The following USO1 variants were observed in gnomAD, a reference collection of about 807,000 sequenced individuals.
USO1 encodes the protein USO1 vesicle transport factor, also known as general vesicular transport factor p115.
A neutral mutation model predicts 124.5 loss-of-function variants in USO1; 57 were observed. The ratio of observed to expected loss-of-function variants is 0.46; its 90% CI spans 0.37 to 0.57. The LOEUF (loss-of-function observed/expected upper bound fraction) is 0.57, where lower values mean the gene tolerates loss of function less well. Among genes scored for constraint, USO1 ranks in the 20% least tolerant of loss-of-function variants. The probability of loss-of-function intolerance (pLI) is 0.00; values close to 1 mark genes in which losing one functional copy is unlikely to be tolerated. For synonymous variants in USO1, 369 were observed against 362.8 expected, an observed-to-expected ratio of 1.02 and a Z score of -0.19; for missense variants, 900 against 1,040.6, an observed-to-expected ratio of 0.86 and a Z score of 1.86.
chr4:75,745,448 T>C (rs527426419), intron 1 of USO1: 42 of 472,902 alleles, frequency 8.9e-5, no homozygotes, highest in South Asian at 6.0e-4. Flanking sequence ...TCGCAACAGA[T>C]ACTCTGACTC....
At chr4:75,803,174 T>C (rs1337613876) in intron 17 of USO1, among the ~76,000 whole-genome samples, 2 of 151,044 alleles carry the variant, frequency 1.3e-5, no homozygotes, top group African/African-American at 4.9e-5. Flanking sequence ...TGAATATAAA[T>C]TGTATTGCAT....
Position 75,724,752 on chromosome 4 carries a change from G to A in USO1, c.-68G>A. ...TGCGGGATTGGGGCCCAGGCCCTGCGGAGGGCGGGGGAAGTTGTCTTCTTT... is the reference window on the plus strand; with the variant it reads ...TGCGGGATTGGGGCCCAGGCCCTGCAGAGGGCGGGGGAAGTTGTCTTCTTT... On this transcript the variant is annotated 5_prime_UTR_variant, in exon 1 of 24. Transcript: ENST00000514213. 4 of 1,553,294 alleles carry A rather than the reference G, an allele frequency of 2.6e-6. No individual in the cohort carries two copies. The South Asian group carries it at 3.4e-5, about 13-fold the overall frequency.
At chr4:75,799,856 C>T (rs1482635648) in intron 14 of USO1, 124 bp downstream of exon 14, 1 of 1,123,404 alleles carries the variant, frequency 8.9e-7, no homozygotes, top group Non-Finnish European at 1.2e-6. Context: ...TGTGTTGCAA[C>T]TTTTTAAACT....
At chr4:75,726,248 T>C (rs1180859393) in intron 1 of USO1, among the ~76,000 whole-genome samples, 1 of 140,200 alleles carries the variant, frequency 7.1e-6, no homozygotes, top group Non-Finnish European at 1.5e-5. Flanking sequence ...GCCATTGCAC[T>C]CTAGCCTGGG....
intron 9 of USO1, among the ~76,000 whole-genome samples, chr4:75,783,321 C>G (rs554767869): frequency 2.0e-4 from 31 of 152,196 alleles, no homozygotes; most frequent in African/African-American, 7.2e-4. Context: ...TCATGTCCTG[C>G]CCCCAAAGAT....
At chr4:75,767,333 C>G (rs1457822079) in intron 4 of USO1, among the ~76,000 whole-genome samples, 1 of 152,124 alleles carries the variant, frequency 6.6e-6, no homozygotes, top group East Asian at 1.9e-4. Flanking sequence ...CTTAGATACC[C>G]CCTAACACAT....
intron 5 of USO1, 81 bp downstream of exon 5, chr4:75,770,620 G>A (rs1721901096): frequency 7.4e-6 from 11 of 1,489,936 alleles, no homozygotes; most frequent in Non-Finnish European, 9.8e-6. Flanking sequence ...GAAGTAACAT[G>A]TATATACCTT....
intron 16 of USO1, 93 bp from the exon 17 acceptor site, chr4:75,800,986 C>A: frequency 7.2e-7 from 1 of 1,386,386 alleles, no homozygotes; most frequent in Non-Finnish European, 9.6e-7. Flanking sequence ...TCTTACCTAT[C>A]ATGGAGTTAG....
intron 1 of USO1, among the ~76,000 whole-genome samples, chr4:75,750,429 C>T (rs1214305477): frequency 1.0e-4 from 1 of 9,616 alleles, no homozygotes; most frequent in Non-Finnish European, 2.0e-4. Flanking sequence ...TAGAGCAAGA[C>T]CCCATCTAAA....
chr4:75,740,387 A>T (rs1477270365), intron 1 of USO1, among the ~76,000 whole-genome samples: 1 of 152,292 alleles, frequency 6.6e-6, no homozygotes, highest in African/African-American at 2.4e-5. Context: ...TACTGGGCTC[A>T]AGTGATCCTC....
intron 17 of USO1, among the ~76,000 whole-genome samples, chr4:75,801,546 A>G (rs1394431873): frequency 6.6e-6 from 1 of 152,116 alleles, no homozygotes; most frequent in Non-Finnish European, 1.5e-5. Flanking sequence ...TTTTACTCTC[A>G]TTTAATTTCT....
At chr4:75,776,929 C>T (rs760034756) in intron 8 of USO1, among the ~76,000 whole-genome samples, 2 of 152,104 alleles carry the variant, frequency 1.3e-5, no homozygotes, top group Admixed American at 1.3e-4. Context: ...TATTTATGTA[C>T]TAATCTTTGG....
intron 17 of USO1, 82 bp downstream of exon 17, chr4:75,801,282 C>A: frequency 1.4e-6 from 2 of 1,415,578 alleles, no homozygotes; most frequent in South Asian, 1.9e-5. Context: ...TCTGACATTT[C>A]AAATGAAAGA....
At chr4:75,804,936 T>C in intron 18 of USO1, 1 of 519,908 alleles carries the variant, frequency 1.9e-6, no homozygotes, top group South Asian at 4.6e-5. Flanking sequence ...TAGTCAAGGC[T>C]GTGCTGTTTT....
intron 10 of USO1, among the ~76,000 whole-genome samples, chr4:75,788,163 ATTTATTTAT>A (rs1218148367): frequency 7.6e-5 from 7 of 91,524 alleles, no homozygotes; most frequent in African/African-American, 2.3e-4. Context: ...TTATTTATTT[ATTTATTTAT>A]TTTTTTTTTT....
chr4:75,791,411 C>A (rs1244407161), intron 12 of USO1, among the ~76,000 whole-genome samples: 3 of 152,172 alleles, frequency 2.0e-5, no homozygotes, highest in African/African-American at 7.2e-5. Flanking sequence ...TTAATCCCAG[C>A]TACTCAGGAG....
intron 3 of USO1, 144 bp from the exon 4 acceptor site, chr4:75,757,353 A>G (rs1343387791): frequency 2.7e-5 from 18 of 658,506 alleles, no homozygotes; most frequent in Non-Finnish European, 3.7e-5. Context: ...AAAACTACAC[A>G]TTTTTTACAG....
chr4:75,754,310 T>G (rs1179237156), intron 3 of USO1, among the ~76,000 whole-genome samples: 2 of 151,386 alleles, frequency 1.3e-5, no homozygotes, highest in Admixed American at 1.3e-4. Flanking sequence ...CTCGAACTCC[T>G]GAACTCAGGT....
At chr4:75,769,533 A>T (rs1008382430) in intron 4 of USO1, among the ~76,000 whole-genome samples, 1 of 151,996 alleles carries the variant, frequency 6.6e-6, no homozygotes, top group Non-Finnish European at 1.5e-5. Context: ...TTTGATCTTG[A>T]CTTTCAGCTC....
Sources: gnomAD v4.1 joint callset for allele counts (sites outside exome capture counted in the v4.1 genomes callset) on GRCh38, gnomAD v4.1.1 for gene constraint, MANE v1.5 for transcripts, NCBI Gene and HGNC (gene_info 2026-07-23, HGNC 2026-07-21) for gene names.